The following NCKAP5 variants were observed in gnomAD, a reference collection of about 807,000 sequenced individuals.
NCKAP5 encodes NCK associated protein 5, also known as nck-associated protein 5.
In NCKAP5, 92 loss-of-function variants were observed where a neutral mutation model predicts 167.0. The observed-to-expected ratio is 0.55, with a 90% CI of 0.47 to 0.66. The LOEUF (loss-of-function observed/expected upper bound fraction) is 0.66. Among genes scored for constraint, NCKAP5 ranks in the 30% least tolerant of loss-of-function variants. The probability of loss-of-function intolerance (pLI) is 0.00; values close to 1 mark genes in which losing one functional copy is unlikely to be tolerated. For synonymous variants in NCKAP5, 891 were observed against 877.4 expected (o/e 1.02, Z -0.27); for missense variants, 2,378 against 2,315.0 (o/e 1.03, Z -0.56).
intron 6 of NCKAP5, among the ~76,000 whole-genome samples, chr2:133,057,476 A>T (rs1485113098): frequency 2.0e-5 from 3 of 152,206 alleles, no homozygotes; most frequent in African/African-American, 7.2e-5. Flanking sequence ...ATGAATGGTA[A>T]GGAAGCAGAA....
At chr2:133,003,040 C>T (rs748228206) in intron 6 of NCKAP5, among the ~76,000 whole-genome samples, 7 of 152,126 alleles carry the variant, frequency 4.6e-5, no homozygotes, top group Admixed American at 2.0e-4. Flanking sequence ...CTTTTTGTTA[C>T]GTTGAATGTC....
intron 8 of NCKAP5, among the ~76,000 whole-genome samples, chr2:132,894,152 G>T (rs913184993): frequency 6.6e-6 from 1 of 152,198 alleles, no homozygotes. Flanking sequence ...AGGGGAAGAT[G>T]GGGAGATCCA....
At chr2:132,744,262 C>A (rs1679452287) in intron 16 of NCKAP5, among the ~76,000 whole-genome samples, 1 of 151,552 alleles carries the variant, frequency 6.6e-6, no homozygotes, top group Admixed American at 6.6e-5. Flanking sequence ...TTAAGATAGA[C>A]CATATCCTTC....
intron 8 of NCKAP5, among the ~76,000 whole-genome samples, chr2:132,889,190 C>T (rs1014349683): frequency 1.3e-5 from 2 of 152,180 alleles, no homozygotes; most frequent in South Asian, 2.1e-4. Context: ...TGGATCCTTT[C>T]ACCTCCCAAC....
Position 133,451,626 on chromosome 2 carries a change from T to G in NCKAP5, c.69+65832A>C, listed in dbSNP as rs567106910. On this transcript the variant is annotated intron_variant, in intron 3 of 19. Coordinates refer to ENST00000409261, the MANE Select transcript of NCKAP5 (RefSeq NM_207363.3). ...AGAACAGATGACTTTCATGTGATTT[T>G]TGAGCTAAACCTCCCCTTCCCATTG... 9.8e-5 allele frequency among the ~76,000 whole-genome samples: 15 copies of G among 152,330 alleles called. 1 individual carries two copies. In the South Asian group the frequency reaches 2.5e-3, roughly 25 times the overall value.
the NCKAP5 span, among the ~76,000 whole-genome samples, chr2:133,659,586 T>C: frequency 6.6e-6 from 1 of 152,182 alleles, no homozygotes; most frequent in Non-Finnish European, 1.5e-5. Context: ...GAATATATTT[T>C]CAAATCGCAT....
intron 3 of NCKAP5, among the ~76,000 whole-genome samples, chr2:133,391,901 G>A (rs955825276): frequency 3.3e-5 from 5 of 152,202 alleles, no homozygotes; most frequent in East Asian, 1.9e-4. Flanking sequence ...TCCAGCCCCC[G>A]CTAGAATGAA....
intron 3 of NCKAP5, among the ~76,000 whole-genome samples, chr2:133,421,297 G>C (rs1333904127): frequency 6.6e-6 from 1 of 151,262 alleles, no homozygotes; most frequent in Non-Finnish European, 1.5e-5. Flanking sequence ...AGGTAGCAGT[G>C]AACATGTTTA....
chr2:133,587,758 G>A, the NCKAP5 span, among the ~76,000 whole-genome samples: 1 of 152,204 alleles, frequency 6.6e-6, no homozygotes, highest in Non-Finnish European at 1.5e-5. Context: ...AAGGCAGCAT[G>A]CTAGAAAATT....
At chr2:133,452,152 C>T (rs549598074) in intron 3 of NCKAP5, among the ~76,000 whole-genome samples, 8 of 152,274 alleles carry the variant, frequency 5.3e-5, no homozygotes, top group African/African-American at 1.9e-4. Context: ...AATAATAATG[C>T]TTGGCCCCAA....
intron 6 of NCKAP5, among the ~76,000 whole-genome samples, chr2:133,020,547 C>T (rs2078491146): frequency 6.6e-6 from 1 of 152,190 alleles, no homozygotes; most frequent in African/African-American, 2.4e-5. Context: ...AGTGGTTTCA[C>T]AGTAGCATCC....
chr2:132,789,764 C>A (rs554611903), intron 13 of NCKAP5, among the ~76,000 whole-genome samples: 3 of 152,280 alleles, frequency 2.0e-5, no homozygotes, highest in African/African-American at 7.2e-5. Context: ...GAAATCTTGG[C>A]ATGTATATAA....
chr2:133,482,405 A>C (rs995188335), intron 3 of NCKAP5, among the ~76,000 whole-genome samples: 2 of 151,942 alleles, frequency 1.3e-5, no homozygotes, highest in Admixed American at 1.3e-4. Flanking sequence ...TTTAGTAGAG[A>C]TGTGGTTTCA....
chr2:133,084,068 G>C (rs1371794330), intron 6 of NCKAP5, among the ~76,000 whole-genome samples: 2 of 152,098 alleles, frequency 1.3e-5, no homozygotes, highest in Non-Finnish European at 2.9e-5. Context: ...AACGGGGAAG[G>C]CATCCGTGGC....
chr2:132,837,256 A>T (rs1346597768), intron 11 of NCKAP5, among the ~76,000 whole-genome samples: 1 of 152,164 alleles, frequency 6.6e-6, no homozygotes, highest in African/African-American at 2.4e-5. Flanking sequence ...TCAGGGGCTC[A>T]CAGGCTTTTT....
In NCKAP5 at chr2:133,479,932, CTT is replaced by C. The variant is rs11368084; in HGVS notation, c.69+37524_69+37525del. ...TTATTTAGGATTTGTTTTCTTTTTC[CTT>C]TTTTTTTTTTTTTTTGAGACAGAGT... On this transcript the variant is annotated intron_variant, in intron 3 of 19. Transcript: ENST00000409261. Among the ~76,000 whole-genome samples, 1,256 of 133,504 alleles carry C rather than the reference CTT, an allele frequency of 9.4e-3. 12 individuals are homozygous for C. The highest frequency in any genetic ancestry group is 0.032 in the African/African-American group (1,126 of 35,166). 87.6% of individuals were successfully genotyped at this position (133,504 alleles called of 152,430 possible).
chr2:133,597,704 G>GAAA, the NCKAP5 span, among the ~76,000 whole-genome samples: 1 of 136,580 alleles, frequency 7.3e-6, no homozygotes, highest in Non-Finnish European at 1.6e-5. Flanking sequence ...AAAAAGAAGA[G>GAAA]AAAAAAAAGG....
chr2:133,249,998 T>TTATTATTA (rs2088220687), intron 4 of NCKAP5, among the ~76,000 whole-genome samples: 3 of 138,226 alleles, frequency 2.2e-5, no homozygotes, highest in Admixed American at 7.3e-5. Flanking sequence ...CACCAAGGGT[T>TTATTATTA]TTATTATTAT....
chr2:133,081,373 A>G (rs1337678155), intron 6 of NCKAP5, among the ~76,000 whole-genome samples: 13 of 152,142 alleles, frequency 8.5e-5, no homozygotes, highest in Admixed American at 8.5e-4. Context: ...AATACAACAA[A>G]CAAAAGCACA....
Sources: allele counts gnomAD v4.1 joint callset (sites outside exome capture counted in the v4.1 genomes callset), GRCh38; gene constraint gnomAD v4.1.1; transcripts MANE v1.5; gene names NCBI Gene and HGNC (gene_info 2026-07-23, HGNC 2026-07-21).